PLIN1: variants seen among roughly 807,000 people sequenced by gnomAD.
The protein encoded by PLIN1 is perilipin-1.
Under a neutral mutation model 45.8 loss-of-function variants are expected in PLIN1, and 37 were observed. The ratio of observed to expected loss-of-function variants is 0.81; its 90% CI spans 0.62 to 1.06. The LOEUF is 1.06. Ranked by LOEUF, PLIN1 falls within the 50% of genes least tolerant of loss-of-function variation. The probability of loss-of-function intolerance (pLI) is 0.00; values close to 1 mark genes in which losing one functional copy is unlikely to be tolerated. For missense variants in PLIN1, 776 were observed against 716.5 expected, an observed-to-expected ratio of 1.08 and a Z score of -0.95; for synonymous variants, 340 against 309.2, an observed-to-expected ratio of 1.10 and a Z score of -1.05.
At chr15:89,672,339 A>G (rs1028392827) in intron 3 of PLIN1, among the ~76,000 whole-genome samples, 1 of 152,070 alleles carries the variant, frequency 6.6e-6, no homozygotes, top group Non-Finnish European at 1.5e-5. Flanking sequence ...AGTTCTTCAT[A>G]CTCTTTCATA....
At chr15:89,675,879 C>G (rs937920801) in intron 2 of PLIN1, among the ~76,000 whole-genome samples, 7 of 152,074 alleles carry the variant, frequency 4.6e-5, no homozygotes, top group South Asian at 2.1e-4. Flanking sequence ...AATGGCCTAC[C>G]TGGGATTACC....
At chr15:89,674,669 G>A (rs1254574381) in intron 2 of PLIN1, among the ~76,000 whole-genome samples, 1 of 152,024 alleles carries the variant, frequency 6.6e-6, no homozygotes, top group Non-Finnish European at 1.5e-5. Flanking sequence ...CTGCCCTCTG[G>A]AACAAAACTG....
Position 89,671,476 on chromosome 15 carries a change from G to C in PLIN1, c.333+6C>G. On this transcript the variant is annotated splice_donor_region_variant and intron_variant, in intron 4 of 8. Transcript: ENST00000300055. ...AGGGAGGCTTCGAGAGGTGGGAAGGGCTCACCTTTTCAGGGGGGTACTGGA... is the reference window on the plus strand; with the variant it reads ...AGGGAGGCTTCGAGAGGTGGGAAGGCCTCACCTTTTCAGGGGGGTACTGGA... 1 of 1,557,752 alleles carries C rather than the reference G, an allele frequency of 6.4e-7. No individual in the cohort carries two copies. The highest frequency in any genetic ancestry group is 8.7e-7 in the Non-Finnish European group (1 of 1,147,672).
intron 2 of PLIN1, among the ~76,000 whole-genome samples, chr15:89,675,877 A>G (rs1306677725): frequency 6.6e-6 from 1 of 152,182 alleles, no homozygotes; most frequent in Non-Finnish European, 1.5e-5. Context: ...GAAATGGCCT[A>G]CCTGGGATTA....
rs771267808 is a variant in PLIN1, at chr15:89,667,144, C to G, written c.1001G>C (p.Gly334Ala). 1 of 1,613,876 alleles carries G rather than the reference C, an allele frequency of 6.2e-7. No individual in the cohort carries two copies. The highest frequency in any genetic ancestry group is 8.5e-7 in the Non-Finnish European group (1 of 1,180,012). ...GGTCTTCTGCAGGGTATGTGCCACA[C>G]CACCCAGGAGGCCTCGAGGGCCTGG... ...ALPGPRGLLG[G>A]VAHTLQKTLQ... The change falls in exon 8 of 9, where the codon GGT becomes GCT. Residue 334 changes from glycine to alanine, a missense_variant. By Grantham distance (60) the Gly-to-Ala change is moderately conservative (BLOSUM62 0). Coordinates refer to ENST00000300055, the MANE Select transcript of PLIN1 (RefSeq NM_002666.5).
At chr15:89,673,083 G>T in intron 3 of PLIN1, 127 bp downstream of exon 3, 1 of 728,408 alleles carries the variant, frequency 1.4e-6, no homozygotes, top group East Asian at 2.7e-5. Flanking sequence ...CCATGCAATG[G>T]GATGTGGGCA....
At chr15:89,668,883 G>A (rs1036750) in intron 6 of PLIN1, among the ~76,000 whole-genome samples, 146,436 of 152,312 alleles carry the variant, frequency 0.96, 70,692 homozygotes, top group Middle Eastern at 1. Context: ...TTATGCTTTA[G>A]TATTGTTTTA....
chr15:89,669,186 C>T (rs1201707782), intron 6 of PLIN1, among the ~76,000 whole-genome samples: 1 of 151,680 alleles, frequency 6.6e-6, no homozygotes, highest in East Asian at 1.9e-4. Flanking sequence ...AAGAGGTCCA[C>T]TTGGGGGTAT....
At chr15:89,678,267 T>C (rs1266946126) in intron 1 of PLIN1, among the ~76,000 whole-genome samples, 2 of 151,680 alleles carry the variant, frequency 1.3e-5, no homozygotes, top group Non-Finnish European at 2.9e-5. Context: ...CCCGGCACTT[T>C]GGGAGTCCAA....
At position 89,670,072 on chromosome 15, in the gene PLIN1, G is replaced by A; in HGVS notation, c.506C>T (p.Ala169Val). The change falls in exon 5 of 9, where the codon GCT becomes GTT. Residue 169 changes from alanine to valine, a missense_variant. Transcript: ENST00000300055. ...GGCCCCTCCAGAAGCCAGTCGGCCA[G>A]CTCGAGTGTTGGCAGCAAATTCCGC... ...DTAEFAANTR[A>V]GRLASGGADL... The A allele has an allele frequency of 6.2e-7, 1 of 1,614,172 alleles. No individual in the cohort carries two copies. Among genetic ancestry groups the A allele is most frequent in the Non-Finnish European group, 8.5e-7 (1 of 1,180,020 alleles).
Position 89,670,186 on chromosome 15 carries a change from A to G in PLIN1, c.392T>C (p.Ile131Thr), listed in dbSNP as rs781720356. Residue 131 changes from isoleucine to threonine, a missense_variant, in exon 5 of 9, where the codon ATC becomes ACC. Physicochemically the swap from Ile to Thr is moderately conservative, Grantham distance 89. Coordinates refer to ENST00000300055, the MANE Select transcript of PLIN1 (RefSeq NM_002666.5). ...STRLRSARNS[I>T]SVPIASTSDK... is the part of the protein sequence containing the mutation. ...TGAAGTGCTCGCGATGGGAACGCTG[A>G]TGCTGTTTCTGGCACTGCGGAGGCG... 1 of 1,614,076 alleles carries G rather than the reference A, an allele frequency of 6.2e-7. No individual in the cohort carries two copies. Among genetic ancestry groups the G allele is most frequent in the South Asian group, 1.1e-5 (1 of 91,008 alleles).
chr15:89,670,229 T>G lies in PLIN1; in HGVS notation c.349A>C (p.Lys117Gln). Residue 117 changes from lysine (K) to glutamine (Q), a missense_variant, in exon 5 of 9, where the codon AAG becomes CAG. Lys to Gln is a moderately conservative substitution (Grantham distance 53). Transcript: ENST00000300055. ...CGGAGGCGGGTGGAGATGGTGTCCT[T>G]CAGCTCAGAAGCAATCTGGGGGAAG... ...YPPEKIASEL[K>Q]DTISTRLRSA... The G allele has an allele frequency of 6.2e-7, 1 of 1,612,920 alleles. No homozygotes were observed. The highest frequency in any genetic ancestry group is 8.5e-7 in the Non-Finnish European group (1 of 1,179,338).
chr15:89,666,789 G>A (rs1223716558), intron 8 of PLIN1, 147 bp downstream of exon 8: 2 of 862,022 alleles, frequency 2.3e-6, no homozygotes, highest in Non-Finnish European at 3.7e-6. Flanking sequence ...TTAAAATGTT[G>A]CCAGGGCACT....
At chr15:89,674,985 G>A (rs1331218736) in intron 2 of PLIN1, among the ~76,000 whole-genome samples, 1 of 152,258 alleles carries the variant, frequency 6.6e-6, no homozygotes, top group East Asian at 1.9e-4. Flanking sequence ...GCATGGTGCT[G>A]TGTGCCTGTG....
At position 89,667,188 on chromosome 15, in the gene PLIN1, GC is replaced by G. The variant is rs1567076098; in HGVS notation, c.964-8del. 6.2e-7 allele frequency: 1 copy of G among 1,612,668 alleles called. No individual in the cohort carries two copies. The highest frequency in any genetic ancestry group is 1.1e-5 in the South Asian group (1 of 91,030). On this transcript the variant is annotated splice_polypyrimidine_tract_variant and splice_region_variant and intron_variant, in intron 7 of 8. Transcript: ENST00000300055. Reference sequence around the variant, plus strand: ...GGCCTGGCAGGGCTGCTACCTGGGGGCCAAAGCAGGGTCAGTGCCTCCTGTG... The same window carrying G: ...GGCCTGGCAGGGCTGCTACCTGGGGGCAAAGCAGGGTCAGTGCCTCCTGTG...
At chr15:89,670,702 C>T (rs1964426738) in intron 4 of PLIN1, among the ~76,000 whole-genome samples, 1 of 152,130 alleles carries the variant, frequency 6.6e-6, no homozygotes, top group Admixed American at 6.5e-5. Flanking sequence ...AAAATGTTGC[C>T]TTTTATCTGG....
At position 89,677,566 on chromosome 15, in the gene PLIN1, C is replaced by A. The variant is rs972343904; in HGVS notation, c.-14-63G>T. ...AGGCTTGAGCTCCACTGGGTCACTT[C>A]CCTACCTCTCATGGCCACCAACTAG... On this transcript the variant is annotated intron_variant, in intron 1 of 8. Coordinates refer to ENST00000300055, the MANE Select transcript of PLIN1 (RefSeq NM_002666.5). 2.2e-6 allele frequency: 3 copies of A among 1,384,296 alleles called. No homozygotes were observed. In the African/African-American group the frequency reaches 4.3e-5, roughly 20 times the overall value. 85.8% of individuals were successfully genotyped at this position (1,384,296 alleles called of 1,614,324 possible).
rs569394554 is a variant in PLIN1 at position 89,665,766 on chromosome 15, G to A, written c.1386C>T (p.Pro462=). The A allele has an allele frequency of 3.6e-4, 456 of 1,274,134 alleles. 1 individual carries two copies. The highest frequency in any genetic ancestry group is 4.3e-4 in the Non-Finnish European group (433 of 1,016,034). 78.9% of individuals were successfully genotyped at this position (1,274,134 alleles called of 1,614,324 possible). ...CCAGGCCCGGGCCGGGGGGCGCGCC[G>A]GGGCTCTGCGCGCTGCGCAGGCTGC... ...PRRSLRSAQS[P]GAPPGPGLED... The change falls in exon 9 of 9, where the codon CCC becomes CCT. Residue 462 remains proline, a synonymous_variant. Coordinates refer to ENST00000300055, the MANE Select transcript of PLIN1 (RefSeq NM_002666.5).
Position 89,673,310 on chromosome 15 carries a change from CA to C in PLIN1, c.149del (p.Leu50ArgfsTer67). The C allele has an allele frequency of 1.9e-6, 3 of 1,590,880 alleles. No homozygotes were observed. The highest frequency in any genetic ancestry group is 1.1e-5 in the South Asian group (1 of 87,418). On this transcript the variant is annotated frameshift_variant, in exon 3 of 9. Transcript: ENST00000300055. LOFTEE classifies it high-confidence loss of function. ...CATAGGCATTGCACACAGAGGCCAC[CA>C]GGGGGTGGGCTTCCTTAGTGCTGGT... is the stretch of plus-strand genomic sequence containing the variant. ...TYTSTKEAHP[L>X]VASVCNAYEK...
Sources: allele counts gnomAD v4.1 joint callset (sites outside exome capture counted in the v4.1 genomes callset), GRCh38; gene constraint gnomAD v4.1.1; transcripts MANE v1.5; gene names NCBI Gene and HGNC (gene_info 2026-07-23, HGNC 2026-07-21).